The following LEPR variants were observed in gnomAD, a reference collection of about 807,000 sequenced individuals.
LEPR encodes the protein leptin receptor, also known as OB receptor.
In LEPR, 56 loss-of-function variants were observed where a neutral mutation model predicts 114.7. That is an observed-to-expected ratio of 0.49 (90% confidence interval 0.39 to 0.61). The LOEUF (loss-of-function observed/expected upper bound fraction) is 0.61, where lower values mean the gene tolerates loss of function less well. LEPR is among the 20% of genes least tolerant of loss of function. LEPR has a pLI of 0.00. For missense variants in LEPR, 1,202 were observed against 1,352.9 expected, an observed-to-expected ratio of 0.89 and a Z score of 1.75; for synonymous variants, 443 against 461.4, an observed-to-expected ratio of 0.96 and a Z score of 0.51.
chr1:65,431,254 A>G (rs1425638125), intron 2 of LEPR, among the ~76,000 whole-genome samples: 1 of 152,134 alleles, frequency 6.6e-6, no homozygotes, highest in East Asian at 1.9e-4. Context: ...ACTTTCATTG[A>G]TGTTTCTCTT....
chr1:65,638,919 T>G lies in LEPR; in HGVS notation c.*1904T>G, dbSNP rs1400415493. On this transcript the variant is annotated 3_prime_UTR_variant, in exon 20 of 20. Transcript: ENST00000349533. ...ACACAGAAACAGATAAATTATTACA[T>G]GTATAAAAATTTTAGTAAAATTGAC... is the stretch of plus-strand genomic sequence containing the variant. The G allele has an allele frequency of 1.3e-5, 2 of 152,164 alleles. No individual in the cohort carries two copies. Among genetic ancestry groups the G allele is most frequent in the African/African-American group, 4.8e-5 (2 of 41,428 alleles). 9.4% of individuals were successfully genotyped at this position (152,164 alleles called of 1,614,324 possible).
intron 7 of LEPR, among the ~76,000 whole-genome samples, chr1:65,596,920 A>G (rs1343345357): frequency 6.6e-6 from 1 of 151,978 alleles, no homozygotes; most frequent in South Asian, 2.1e-4. Flanking sequence ...TGCTTGGCTA[A>G]TCATTAGTCG....
At chr1:65,526,110 C>T (rs1405211630) in intron 2 of LEPR, 3 of 983,158 alleles carry the variant, frequency 3.1e-6, no homozygotes, top group African/African-American at 1.8e-5. Context: ...TCGGGACCAC[C>T]GAGAGAGCAT....
At chr1:65,549,373 A>T (rs1008919343) in intron 2 of LEPR, among the ~76,000 whole-genome samples, 2 of 151,950 alleles carry the variant, frequency 1.3e-5, no homozygotes, top group Admixed American at 1.3e-4. Flanking sequence ...TAGATTGGGG[A>T]AGTTCTCCTG....
At chr1:65,477,958 C>T (rs1387503151) in intron 2 of LEPR, among the ~76,000 whole-genome samples, 1 of 152,138 alleles carries the variant, frequency 6.6e-6, no homozygotes, top group Non-Finnish European at 1.5e-5. Context: ...CATTGGATTA[C>T]TATTTTTGTT....
Position 65,592,829 on chromosome 1 carries a change from C to T in LEPR, c.667C>T (p.Gln223Ter), listed in dbSNP as rs906184010. 3.1e-6 allele frequency: 5 copies of T among 1,613,078 alleles called. No homozygotes were observed. Among genetic ancestry groups the T allele is most frequent in the Admixed American group, 1.7e-5 (1 of 59,900 alleles). Residue 223 changes from glutamine to a stop codon, truncating the protein, a stop_gained, in exon 6 of 20, where the codon CAG (glutamine) becomes TAG (stop). Transcript: ENST00000349533. LOFTEE classifies it high-confidence loss of function. ...AATCACATCTGGTGGAGTAATTTTCCAGTCACCTCTAATGTCAGTTCAGCC... is the reference window on the plus strand; with the variant it reads ...AATCACATCTGGTGGAGTAATTTTCTAGTCACCTCTAATGTCAGTTCAGCC... ...LKITSGGVIF[Q>*]SPLMSVQPIN...
chr1:65,427,078 C>T (rs1646391486), intron 2 of LEPR, among the ~76,000 whole-genome samples: 1 of 151,948 alleles, frequency 6.6e-6, no homozygotes, highest in Non-Finnish European at 1.5e-5. Flanking sequence ...TCAAATCCAT[C>T]ACCGCAGTCC....
intron 2 of LEPR, chr1:65,430,349 G>C (rs1474174948): frequency 4.5e-6 from 1 of 223,672 alleles, no homozygotes; most frequent in East Asian, 9.2e-5. Flanking sequence ...GTAATCCACA[G>C]ATACTATGCT....
At chr1:65,460,913 A>G (rs771634777) in intron 2 of LEPR, among the ~76,000 whole-genome samples, 1 of 152,102 alleles carries the variant, frequency 6.6e-6, no homozygotes, top group Non-Finnish European at 1.5e-5. Flanking sequence ...TTGGGTATTG[A>G]GAAAAATAAA....
At chr1:65,527,431 T>C (rs1650048710) in intron 2 of LEPR, among the ~76,000 whole-genome samples, 1 of 152,238 alleles carries the variant, frequency 6.6e-6, no homozygotes, top group African/African-American at 2.4e-5. Context: ...AGGGTTAGTG[T>C]ACTTCATACT....
intron 6 of LEPR, among the ~76,000 whole-genome samples, chr1:65,594,633 A>T (rs182720174): frequency 6.6e-6 from 1 of 152,098 alleles, no homozygotes; most frequent in Non-Finnish European, 1.5e-5. Flanking sequence ...TGAGATGTCT[A>T]TTGGAAACCT....
intron 2 of LEPR, among the ~76,000 whole-genome samples, chr1:65,491,777 C>T (rs1425753523): frequency 6.6e-6 from 1 of 152,012 alleles, no homozygotes; most frequent in Non-Finnish European, 1.5e-5. Flanking sequence ...TCATTTTTAC[C>T]AGTATCCTTG....
At chr1:65,601,993 T>C in intron 10 of LEPR, 33 bp downstream of exon 10, 1 of 1,556,014 alleles carries the variant, frequency 6.4e-7, no homozygotes. Flanking sequence ...TGTTTTTCTG[T>C]GGGCACAGTG....
rs1242799483 is a variant in LEPR, at chr1:65,560,158, C to A, written c.-20-5388C>A. Among the ~76,000 whole-genome samples, 544 of 118,678 alleles carry A rather than the reference C, an allele frequency of 4.6e-3. 26 individuals carry two copies. Among genetic ancestry groups the A allele is most frequent in the Non-Finnish European group, 7.0e-3 (386 of 55,050 alleles). The allele number at this position is 118,678 out of a possible 152,430, so 77.9% of individuals were successfully genotyped here. A position where few individuals can be genotyped will look rare whatever the true frequency, so the allele number is the denominator to read the frequency against. The stretch of plus-strand genomic sequence containing the variant: ...ACCTTGGGCAGTATGGCCATTTTCA[C>A]GATATTGATTCTTCCTACCCATGAG... On this transcript the variant is annotated intron_variant, in intron 2 of 19. Transcript: ENST00000349533.
At chr1:65,424,803 CT>C (rs1237670200) in intron 1 of LEPR, among the ~76,000 whole-genome samples, 1 of 152,100 alleles carries the variant, frequency 6.6e-6, no homozygotes, top group African/African-American at 2.4e-5. Context: ...TACTTTCTCT[CT>C]TCTTATAAGG....
In LEPR at chr1:65,426,871, G is replaced by A. The variant is rs532731607; in HGVS notation, c.-21+1493G>A. Among the ~76,000 whole-genome samples the A allele has an allele frequency of 2.6e-4, 39 of 152,298 alleles. No individual in the cohort carries two copies. In the East Asian group the frequency reaches 3.3e-3, roughly 13 times the overall value. ...AAATTAGCTGGGCGTGGTGGCACACGCCTGTATTCCCAGCTACTTAGGAGG... is the reference window on the plus strand; with the variant it reads ...AAATTAGCTGGGCGTGGTGGCACACACCTGTATTCCCAGCTACTTAGGAGG... On this transcript the variant is annotated intron_variant, in intron 2 of 19. Coordinates refer to ENST00000349533, the MANE Select transcript of LEPR (RefSeq NM_002303.6).
chr1:65,472,861 A>C (rs1008556179), intron 2 of LEPR, among the ~76,000 whole-genome samples: 1 of 152,216 alleles, frequency 6.6e-6, no homozygotes, highest in Admixed American at 6.5e-5. Flanking sequence ...TAGATGAAGC[A>C]AAGCACATCT....
chr1:65,620,824 A>C (rs1183231674), intron 17 of LEPR, among the ~76,000 whole-genome samples: 3 of 152,234 alleles, frequency 2.0e-5, no homozygotes, highest in African/African-American at 4.8e-5. Context: ...ATTTCACTTA[A>C]CATTGCAGTT....
intron 2 of LEPR, among the ~76,000 whole-genome samples, chr1:65,546,645 T>G (rs1651754687): frequency 6.6e-6 from 1 of 152,218 alleles, no homozygotes; most frequent in Admixed American, 6.5e-5. Flanking sequence ...TTGCGATTTT[T>G]GTACATTGAT....
Sources: allele counts gnomAD v4.1 joint callset (sites outside exome capture counted in the v4.1 genomes callset), GRCh38; gene constraint gnomAD v4.1.1; transcripts MANE v1.5; gene names NCBI Gene and HGNC (gene_info 2026-07-23, HGNC 2026-07-21).